The following ANKRD18A variants were observed in gnomAD, a reference collection of about 807,000 sequenced individuals.
ANKRD18A encodes ankyrin repeat domain-containing protein 18A.
ANKRD18A carries 72 observed loss-of-function variants against 110.6 expected under a neutral mutation model. That is an observed-to-expected ratio of 0.65 (90% CI 0.54 to 0.79). ANKRD18A has a LOEUF of 0.79. ANKRD18A is among the 30% of genes least tolerant of loss of function. ANKRD18A has a pLI of 0.00. For missense variants in ANKRD18A, 934 were observed against 1,163.3 expected (o/e 0.80, Z 2.87); for synonymous variants, 305 against 410.3 (o/e 0.74, Z 3.10).
At chr9:38,569,517 G>A (rs1028328259), downstream of ANKRD18A, 8 of 913,888 alleles carry the variant, frequency 8.8e-6, no homozygotes, top group South Asian at 5.0e-5. Context: ...ACACAGAGGC[G>A]ATGGGGACTC....
intron 1 of ANKRD18A, among the ~76,000 whole-genome samples, chr9:38,619,482 C>G (rs1825996503): frequency 6.6e-6 from 1 of 152,104 alleles, no homozygotes; most frequent in Non-Finnish European, 1.5e-5. Context: ...ATTTTGATAT[C>G]TAGAGGAGCA....
intron 4 of ANKRD18A, 43 bp downstream of exon 4, chr9:38,611,172 G>T (rs527649191): frequency 6.6e-7 from 1 of 1,519,954 alleles, no homozygotes; most frequent in African/African-American, 1.4e-5. Flanking sequence ...AGAACACTCA[G>T]GTTTTTAGGA....
chr9:38,600,892 G>A (rs1249232058), intron 8 of ANKRD18A, among the ~76,000 whole-genome samples: 1 of 152,180 alleles, frequency 6.6e-6, no homozygotes, highest in Non-Finnish European at 1.5e-5. Context: ...AGCAAAGAGA[G>A]TTCTGGAAAT....
chr9:38,577,707 T>C (rs1479841204), intron 13 of ANKRD18A, among the ~76,000 whole-genome samples, 160 bp downstream of exon 13: 1 of 152,110 alleles, frequency 6.6e-6, no homozygotes, highest in Non-Finnish European at 1.5e-5. Flanking sequence ...GAAATTTAAA[T>C]ATTTAAAAGG....
chr9:38,579,056 T>G (rs1335510512), intron 12 of ANKRD18A, among the ~76,000 whole-genome samples: 1 of 152,190 alleles, frequency 6.6e-6, no homozygotes, highest in Non-Finnish European at 1.5e-5. Flanking sequence ...ACAGCCAACT[T>G]ATTTTGGAAT....
intron 10 of ANKRD18A, 94 bp from the exon 11 acceptor site, chr9:38,588,757 T>A: frequency 1.1e-6 from 1 of 903,910 alleles, no homozygotes; most frequent in Non-Finnish European, 1.5e-6. Context: ...GAATAATATG[T>A]ATTTAGGCGG....
chr9:38,602,639 C>T (rs1453352555), intron 7 of ANKRD18A, among the ~76,000 whole-genome samples: 1 of 152,082 alleles, frequency 6.6e-6, no homozygotes, highest in African/African-American at 2.4e-5. Context: ...AAGAAAAAGA[C>T]CAACATTTTA....
At chr9:38,571,265 G>A (rs2118603288), downstream of ANKRD18A, 1 of 1,436,016 alleles carries the variant, frequency 7.0e-7, no homozygotes. Flanking sequence ...AGTGCTGACA[G>A]AATAATGGGG....
intron 1 of ANKRD18A, among the ~76,000 whole-genome samples, chr9:38,619,211 T>C (rs1825979028): frequency 6.6e-6 from 1 of 152,184 alleles, no homozygotes; most frequent in African/African-American, 2.4e-5. Flanking sequence ...GTACTTTTTC[T>C]CATTTTGCAT....
chr9:38,590,132 T>G (rs959338413), intron 10 of ANKRD18A, among the ~76,000 whole-genome samples: 6 of 152,194 alleles, frequency 3.9e-5, no homozygotes, highest in African/African-American at 1.4e-4. Context: ...CAGTATACTT[T>G]GCTTTGTCCT....
chr9:38,597,183 T>C (rs2118792128), intron 8 of ANKRD18A, among the ~76,000 whole-genome samples: 1 of 152,290 alleles, frequency 6.6e-6, no homozygotes, highest in South Asian at 2.1e-4. Context: ...CTCCATGAAA[T>C]AGCCAGATTG....
chr9:38,619,551 CAAGT>C (rs1825998287), intron 1 of ANKRD18A, among the ~76,000 whole-genome samples: 1 of 152,134 alleles, frequency 6.6e-6, no homozygotes. Flanking sequence ...AGATAGATAG[CAAGT>C]GTCATGCAAA....
chr9:38,603,349 C>T, intron 6 of ANKRD18A, 137 bp from the exon 7 acceptor site: 1 of 1,229,844 alleles, frequency 8.1e-7, no homozygotes, highest in East Asian at 2.6e-5. Context: ...GCACTCATCA[C>T]CACAAATTTA....
chr9:38,594,866 T>A (rs1386700386), intron 9 of ANKRD18A, among the ~76,000 whole-genome samples: 1 of 152,184 alleles, frequency 6.6e-6, no homozygotes, highest in East Asian at 1.9e-4. Context: ...CTTACCTGCT[T>A]CATTATGCTC....
chr9:38,607,081 G>C (rs768763697), intron 6 of ANKRD18A, among the ~76,000 whole-genome samples: 2 of 152,106 alleles, frequency 1.3e-5, no homozygotes, highest in Non-Finnish European at 2.9e-5. Context: ...TTTGGAGATA[G>C]AGTCTTGCTC....
chr9:38,614,219 G>GTTTTTTTTT (rs58955752), intron 3 of ANKRD18A, among the ~76,000 whole-genome samples: 152 of 68,816 alleles, frequency 2.2e-3, no homozygotes, highest in Non-Finnish European at 2.9e-3. Context: ...GAACACTGAG[G>GTTTTTTTTT]TTTTTTTTTT....
At chr9:38,583,483 G>T (rs1469039038) in intron 12 of ANKRD18A, among the ~76,000 whole-genome samples, 1 of 152,064 alleles carries the variant, frequency 6.6e-6, no homozygotes, top group African/African-American at 2.4e-5. Context: ...TCCTGGGTCC[G>T]GGTTCAAGCA....
rs577187744 is a variant in ANKRD18A at position 38,606,311 on chromosome 9, C to T, written c.808+1115G>A. 3.0e-3 allele frequency among the ~76,000 whole-genome samples: 461 copies of T among 152,236 alleles called. 2 individuals are homozygous for T. The highest frequency in any genetic ancestry group is 0.01 in the Middle Eastern group (3 of 294). Reference sequence around the variant, plus strand: ...CCTTGAACAACAAGAGTTTGAACTGCAGGGGTCCACTTATACGCAGATTTT... The same window carrying T: ...CCTTGAACAACAAGAGTTTGAACTGTAGGGGTCCACTTATACGCAGATTTT... On this transcript the variant is annotated intron_variant, in intron 6 of 15. Transcript: ENST00000399703.
chr9:38,617,815 C>T (rs1268038847), intron 1 of ANKRD18A, among the ~76,000 whole-genome samples: 4 of 152,050 alleles, frequency 2.6e-5, no homozygotes, highest in South Asian at 2.1e-4. Context: ...ATAACATATT[C>T]GAGTTATGTT....
Sources: gnomAD v4.1 joint callset for allele counts (sites outside exome capture counted in the v4.1 genomes callset) on GRCh38, gnomAD v4.1.1 for gene constraint, MANE v1.5 for transcripts, NCBI Gene and HGNC (gene_info 2026-07-23, HGNC 2026-07-21) for gene names.